The following RALGPS1 variants were observed in gnomAD, a reference collection of about 807,000 sequenced individuals.
RALGPS1 encodes Ral GEF with PH domain and SH3 binding motif 1, also known as ras-specific guanine nucleotide-releasing factor RalGPS1.
Under a neutral mutation model 78.8 loss-of-function variants are expected in RALGPS1, and 19 were observed. The observed-to-expected ratio is 0.24, with a 90% CI of 0.17 to 0.35. RALGPS1 has a LOEUF of 0.35. Among genes scored for constraint, RALGPS1 ranks in the 10% least tolerant of loss-of-function variants. The pLI is 1.00. For synonymous variants in RALGPS1, 228 were observed against 256.3 expected, an observed-to-expected ratio of 0.89 and a Z score of 1.06; for missense variants, 454 against 688.3, an observed-to-expected ratio of 0.66 and a Z score of 3.81.
chr9:126,966,826 G>A (rs901230176), intron 3 of RALGPS1, among the ~76,000 whole-genome samples: 2 of 151,904 alleles, frequency 1.3e-5, no homozygotes, highest in African/African-American at 2.4e-5. Context: ...TGTTGCTCCC[G>A]GTCTAACTAA....
At chr9:126,956,862 A>G (rs1216137401) in intron 1 of RALGPS1, among the ~76,000 whole-genome samples, 1 of 152,210 alleles carries the variant, frequency 6.6e-6, no homozygotes, top group Non-Finnish European at 1.5e-5. Context: ...TACTTGCCCT[A>G]TGTCCAGCCC....
intron 8 of RALGPS1, among the ~76,000 whole-genome samples, chr9:127,101,128 T>C (rs10987561): frequency 0.023 from 3,504 of 152,314 alleles, 75 homozygotes; most frequent in Non-Finnish European, 0.034. Flanking sequence ...TTTATCCTTT[T>C]CAGTGTTCCC....
intron 6 of RALGPS1, among the ~76,000 whole-genome samples, chr9:127,051,219 G>C (rs2048284093): frequency 6.6e-6 from 1 of 152,232 alleles, no homozygotes; most frequent in Non-Finnish European, 1.5e-5. Context: ...AATCAGTTCT[G>C]TTCTGGGCCA....
chr9:127,050,208 A>C, intron 6 of RALGPS1, 76 bp downstream of exon 6: 1 of 1,242,126 alleles, frequency 8.1e-7, no homozygotes, highest in Admixed American at 1.7e-5. Flanking sequence ...ATGTTTCCTC[A>C]GTACTTTGGG....
At chr9:126,965,790 A>T in intron 2 of RALGPS1, 54 bp from the exon 3 acceptor site, 1 of 1,395,306 alleles carries the variant, frequency 7.2e-7, no homozygotes, top group Non-Finnish European at 1.0e-6. Context: ...TTTGGGAGGC[A>T]ATGATTCCAC....
chr9:127,203,518 G>A (rs2061757543), intron 14 of RALGPS1, among the ~76,000 whole-genome samples: 1 of 150,472 alleles, frequency 6.6e-6, no homozygotes, highest in Admixed American at 6.6e-5. Context: ...GTAGGGGATG[G>A]GGGGGTCCTT....
chr9:127,044,073 C>T (rs1190220079), intron 5 of RALGPS1, among the ~76,000 whole-genome samples: 1 of 152,182 alleles, frequency 6.6e-6, no homozygotes, highest in African/African-American at 2.4e-5. Flanking sequence ...ACACAAAAAA[C>T]AGCACACAAA....
At chr9:127,137,433 G>A (rs1419828134) in intron 8 of RALGPS1, among the ~76,000 whole-genome samples, 1 of 152,230 alleles carries the variant, frequency 6.6e-6, no homozygotes, top group Non-Finnish European at 1.5e-5. Context: ...CTGAGTGACT[G>A]GGGGGAAGTC....
chr9:127,160,473 G>A (rs1326149422), intron 8 of RALGPS1, among the ~76,000 whole-genome samples: 9 of 152,200 alleles, frequency 5.9e-5, no homozygotes, highest in Admixed American at 5.9e-4. Context: ...GCACTCATGT[G>A]GCAGCTACAG....
At chr9:126,946,533 C>CAAAAAAA (rs61279292) in intron 1 of RALGPS1, among the ~76,000 whole-genome samples, 1 of 76,226 alleles carries the variant, frequency 1.3e-5, no homozygotes, top group African/African-American at 5.2e-5. Context: ...GAATCTGTCT[C>CAAAAAAA]AAAAAAAAAA....
rs779810029 is a variant in RALGPS1 at position 127,183,272 on chromosome 9, T to G, written c.910+8490T>G. Among the ~76,000 whole-genome samples the G allele has an allele frequency of 2.0e-5, 3 of 152,182 alleles. No homozygotes were observed. The highest frequency in any genetic ancestry group is 4.4e-5 in the Non-Finnish European group (3 of 68,022). ...GCTGGCAGCCGATATCGCTGATGCT[T>G]CTTCTCCCAGGCACTTCCGTGGGTA... On this transcript the variant is annotated intron_variant, in intron 11 of 18. Transcript: ENST00000259351. This position sits in a 1 kb window ranked among gnomAD's most constrained non-coding sequence, Gnocchi z 4.0.
intron 8 of RALGPS1, among the ~76,000 whole-genome samples, chr9:127,130,259 G>A (rs887660254): frequency 6.6e-6 from 1 of 152,192 alleles, no homozygotes; most frequent in Non-Finnish European, 1.5e-5. Context: ...AAGATGGCCG[G>A]GAGTAAAAAG....
chr9:127,207,088 C>T (rs1263519412), intron 14 of RALGPS1, among the ~76,000 whole-genome samples: 1 of 152,104 alleles, frequency 6.6e-6, no homozygotes, highest in Non-Finnish European at 1.5e-5. Flanking sequence ...CCCATTGTCT[C>T]ATCACCACCA....
intron 8 of RALGPS1, chr9:127,088,902 T>C: frequency 6.2e-7 from 1 of 1,613,718 alleles, no homozygotes; most frequent in Non-Finnish European, 8.5e-7. Context: ...GGTGGGCTCC[T>C]GGCAATGGCC....
chr9:127,179,527 G>A (rs906704881), intron 11 of RALGPS1, among the ~76,000 whole-genome samples: 3 of 152,160 alleles, frequency 2.0e-5, no homozygotes, highest in African/African-American at 7.2e-5. Flanking sequence ...GCTTCAGCTC[G>A]GTGCCCTTTC....
At chr9:127,175,869 G>T (rs1326078729) in intron 11 of RALGPS1, among the ~76,000 whole-genome samples, 1 of 151,950 alleles carries the variant, frequency 6.6e-6, no homozygotes, top group African/African-American at 2.4e-5. Flanking sequence ...CCGTTGACCT[G>T]CTCAAGCCAC....
intron 4 of RALGPS1, among the ~76,000 whole-genome samples, chr9:127,017,561 A>G (rs577423587): frequency 6.6e-6 from 1 of 152,300 alleles, no homozygotes; most frequent in Non-Finnish European, 1.5e-5. Context: ...GGGCTATACT[A>G]AATCTATAAA....
Position 127,137,227 on chromosome 9 carries a change from A to G in RALGPS1, c.611-28842A>G, listed in dbSNP as rs78487908. Among the ~76,000 whole-genome samples the G allele has an allele frequency of 7.2e-4, 109 of 152,274 alleles. 1 individual carries two copies. The East Asian group carries it at 0.017, about 24-fold the overall frequency. On this transcript the variant is annotated intron_variant, in intron 8 of 18. Coordinates refer to ENST00000259351, the MANE Select transcript of RALGPS1 (RefSeq NM_014636.3). ...GCTACCCCAGCCACGGCCTCAGACT[A>G]GTGTCCCACCCGGGCCACAGTGTAT...
intron 1 of RALGPS1, among the ~76,000 whole-genome samples, chr9:126,933,474 G>A (rs2035984066): frequency 6.6e-6 from 1 of 152,182 alleles, no homozygotes; most frequent in Non-Finnish European, 1.5e-5. Flanking sequence ...AGAACCAAGG[G>A]AGCGGCAGAG....
Sources: allele counts gnomAD v4.1 joint callset (sites outside exome capture counted in the v4.1 genomes callset), GRCh38; gene constraint gnomAD v4.1.1; non-coding constraint Gnocchi (gnomAD v3.1); transcripts MANE v1.5; gene names NCBI Gene and HGNC (gene_info 2026-07-23, HGNC 2026-07-21).